RELN: variants seen among roughly 807,000 people sequenced by gnomAD.
RELN encodes reelin.
RELN carries 108 observed loss-of-function variants against 427.6 expected under a neutral mutation model. The observed-to-expected ratio is 0.25, with a 90% confidence interval of 0.22 to 0.30. The LOEUF is 0.30. Ranked by LOEUF, RELN falls within the 10% of genes least tolerant of loss-of-function variation. The pLI is 1.00. For missense variants in RELN, 3,715 were observed against 4,302.8 expected (o/e 0.86, Z 3.82); for synonymous variants, 1,524 against 1,513.4 (o/e 1.01, Z -0.16).
At position 103,486,268 on chromosome 7, in the gene RELN, T is replaced by C. The variant is rs1285032508; in HGVS notation, c.9912A>G (p.Gly3304=). 3.1e-6 allele frequency: 5 copies of C among 1,614,122 alleles called. No homozygotes were observed. The African/African-American group carries it at 4.0e-5, about 13-fold the overall frequency. ...GACAGCCATTAAAGTACAGTGAGTC[T>C]CCATGGGCGTAGGGGGCCAGCTGCC... ...GCGQLAPYAH[G]DSLYFNGCQI... is the part of the protein sequence containing the mutation. The change falls in exon 61 of 65, where the codon GGA becomes GGG. Residue 3304 remains glycine, a synonymous_variant. Transcript: ENST00000428762.
At chr7:103,828,447 T>C (rs1310627127) in intron 3 of RELN, among the ~76,000 whole-genome samples, 1 of 151,976 alleles carries the variant, frequency 6.6e-6, no homozygotes, top group Non-Finnish European at 1.5e-5. Context: ...ATGCTCAGTA[T>C]CTTAAATAGA....
chr7:103,843,190 G>T (rs986998892), intron 2 of RELN, among the ~76,000 whole-genome samples: 4 of 151,990 alleles, frequency 2.6e-5, no homozygotes, highest in Non-Finnish European at 5.9e-5. Flanking sequence ...TAAAGATAAA[G>T]GAACCAAGAC....
chr7:103,935,740 C>T (rs552365585), intron 1 of RELN, among the ~76,000 whole-genome samples: 18 of 152,286 alleles, frequency 1.2e-4, no homozygotes, highest in African/African-American at 4.1e-4. Context: ...AATTATGTAA[C>T]ATACTTATTG....
intron 22 of RELN, among the ~76,000 whole-genome samples, chr7:103,607,133 T>C (rs1196526144): frequency 6.7e-6 from 1 of 149,572 alleles, no homozygotes; most frequent in Non-Finnish European, 1.5e-5. Context: ...TTAGGAGATA[T>C]ACCTAATGTT....
Position 103,507,942 on chromosome 7 carries a change from G to C in RELN, c.8274+2909C>G, listed in dbSNP as rs1351659749. Among the ~76,000 whole-genome samples the C allele has an allele frequency of 2.6e-5, 4 of 152,126 alleles. No individual in the cohort carries two copies. In the East Asian group the frequency reaches 7.7e-4, roughly 29 times the overall value. ...TAAACTAGAAAATCTAGAAGAAATG[G>C]ATAAATTCCTCGACACATACACCCT... is the stretch of plus-strand genomic sequence containing the variant. On this transcript the variant is annotated intron_variant, in intron 51 of 64. Coordinates refer to ENST00000428762, the MANE Select transcript of RELN (RefSeq NM_005045.4).
chr7:103,494,053 A>T (rs781159041), intron 57 of RELN, among the ~76,000 whole-genome samples: 1 of 152,086 alleles, frequency 6.6e-6, no homozygotes, highest in African/African-American at 2.4e-5. Flanking sequence ...CTGGGCCACA[A>T]TGTGAACCTG....
At chr7:103,818,168 A>G (rs903212495) in intron 3 of RELN, among the ~76,000 whole-genome samples, 2 of 152,162 alleles carry the variant, frequency 1.3e-5, no homozygotes, top group African/African-American at 4.8e-5. Flanking sequence ...TAAAAATGTA[A>G]GTATCAGACA....
intron 31 of RELN, 46 bp from the exon 32 acceptor site, chr7:103,566,805 G>A: frequency 6.3e-7 from 1 of 1,576,514 alleles, no homozygotes. Context: ...CTTTCCTAGA[G>A]GGGAAGGAAC....
intron 3 of RELN, among the ~76,000 whole-genome samples, chr7:103,788,699 A>T (rs1400040080): frequency 6.6e-6 from 1 of 152,232 alleles, no homozygotes; most frequent in East Asian, 1.9e-4. Context: ...GACACAAACA[A>T]ATGGAAAATC....
chr7:103,872,997 C>T (rs1206082546), intron 2 of RELN, among the ~76,000 whole-genome samples: 1 of 151,622 alleles, frequency 6.6e-6, no homozygotes, highest in Non-Finnish European at 1.5e-5. Context: ...AGAAAATTAA[C>T]AAACTATCTC....
intron 2 of RELN, among the ~76,000 whole-genome samples, chr7:103,899,395 C>G (rs1795032429): frequency 6.6e-6 from 1 of 152,112 alleles, no homozygotes. Context: ...CCTTCTGAAA[C>G]TATGCCGAAC....
At chr7:103,927,131 C>G (rs1177274846) in intron 1 of RELN, among the ~76,000 whole-genome samples, 1 of 152,062 alleles carries the variant, frequency 6.6e-6, no homozygotes, top group Non-Finnish European at 1.5e-5. Context: ...TTATATAAGA[C>G]AAATTTTAAA....
chr7:103,987,088 A>AAC lies in RELN; in HGVS notation c.226+2042_226+2043insGT, dbSNP rs1797118014. Among the ~76,000 whole-genome samples, 3 of 152,000 alleles carry AAC rather than the reference A, an allele frequency of 2.0e-5. 1 individual carries two copies. In the South Asian group the frequency reaches 6.2e-4, roughly 32 times the overall value. On this transcript the variant is annotated intron_variant, in intron 1 of 64. Transcript: ENST00000428762. ...AGAACATTTTACAAAAAAAAAAAAA[A>AAC]AAACTCTTACTTTAAGGCCTATAGC...
intron 3 of RELN, among the ~76,000 whole-genome samples, chr7:103,817,583 T>C (rs1052406463): frequency 1.3e-5 from 2 of 152,202 alleles, no homozygotes; most frequent in African/African-American, 2.4e-5. Context: ...AGAAGAAATC[T>C]GTAGGATTTC....
rs1832576813 is a variant in RELN at position 103,636,239 on chromosome 7, A to G, written c.2299T>C (p.Ser767Pro). The change falls in exon 18 of 65, where the codon TCC becomes CCC. Residue 767 changes from serine to proline, a missense_variant. Ser to Pro is a moderately conservative substitution (Grantham distance 74, BLOSUM62 -1). This residue lies in a region of RELN where 2,208 missense variants were observed against 2,361.7 expected (regional missense o/e 0.93). Transcript: ENST00000428762. ...TTCTACCCTGCCTTCACTCACCTGG[A>G]TTGTGAGCTGTCAAGGAAAGATGTA... ...LITSFLDSSQ[S>P]RFLQFTLRLG... 6.2e-7 allele frequency: 1 copy of G among 1,608,114 alleles called. No homozygotes were observed. The highest frequency in any genetic ancestry group is 8.5e-7 in the Non-Finnish European group (1 of 1,174,816).
intron 30 of RELN, among the ~76,000 whole-genome samples, chr7:103,572,598 G>A (rs1384053775): frequency 2.0e-5 from 3 of 151,584 alleles, no homozygotes; most frequent in Non-Finnish European, 4.4e-5. Context: ...ATGCAGTGGC[G>A]TGATCTCGAC....
At chr7:103,730,843 C>T (rs1232478048) in intron 6 of RELN, among the ~76,000 whole-genome samples, 1 of 152,018 alleles carries the variant, frequency 6.6e-6, no homozygotes, top group African/African-American at 2.4e-5. Flanking sequence ...GCCCATCCCT[C>T]TAGGAGGTCA....
intron 57 of RELN, among the ~76,000 whole-genome samples, chr7:103,492,782 A>C (rs973212827): frequency 3.9e-5 from 6 of 152,226 alleles, no homozygotes; most frequent in African/African-American, 1.4e-4. Flanking sequence ...ATTAGAAAAT[A>C]ATCAGATAGA....
At chr7:103,958,758 T>C (rs1467652799) in intron 1 of RELN, among the ~76,000 whole-genome samples, 1 of 151,834 alleles carries the variant, frequency 6.6e-6, no homozygotes, top group Admixed American at 6.6e-5. Flanking sequence ...GCTTCTTCAT[T>C]GCAAAACTAA....
Sources: gnomAD v4.1 joint callset for allele counts (sites outside exome capture counted in the v4.1 genomes callset) on GRCh38, gnomAD v4.1.1 for gene constraint, gnomAD v4.1.1 regional missense constraint, MANE v1.5 for transcripts, NCBI Gene and HGNC (gene_info 2026-07-23, HGNC 2026-07-21) for gene names.